SEPTIN9: variants seen among roughly 807,000 people sequenced by gnomAD.
SEPTIN9 encodes septin 9, also known as septin-9.
Under a neutral mutation model 56.6 loss-of-function variants are expected in SEPTIN9, and 13 were observed. The ratio of observed to expected loss-of-function variants is 0.23; its 90% CI spans 0.15 to 0.37. The LOEUF is 0.37. Among genes scored for constraint, SEPTIN9 ranks in the 10% least tolerant of loss-of-function variants. The pLI is 1.00. For missense variants in SEPTIN9, 650 were observed against 823.1 expected (o/e 0.79, Z 2.57); for synonymous variants, 332 against 334.1 (o/e 0.99, Z 0.07).
intron 2 of SEPTIN9, among the ~76,000 whole-genome samples, chr17:77,392,873 T>C (rs1181984526): frequency 2.0e-5 from 3 of 152,192 alleles, no homozygotes; most frequent in Non-Finnish European, 4.4e-5. Context: ...GTTTCCTGGC[T>C]TCCCTTTGCA....
intron 2 of SEPTIN9, chr17:77,320,008 T>G (rs374135364): frequency 2.5e-5 from 33 of 1,305,010 alleles, no homozygotes; most frequent in South Asian, 1.8e-4. Context: ...GCCGGACTCC[T>G]CGGGGCCCAC....
At position 77,327,876 on chromosome 17, in the gene SEPTIN9, C is replaced by T. The variant is rs546761372; in HGVS notation, c.76+20679C>T. Among the ~76,000 whole-genome samples, 24 of 152,312 alleles carry T rather than the reference C, an allele frequency of 1.6e-4. No homozygotes were observed. The highest frequency in any genetic ancestry group is 5.3e-4 in the African/African-American group (22 of 41,570). On this transcript the variant is annotated intron_variant, in intron 2 of 11. Transcript: ENST00000427177. The surrounding 1 kb of genome is among the most constrained non-coding windows in gnomAD (Gnocchi z 5.0). ...CTTTGGACCGATTTGCTGGAACAGA[C>T]GGGTGTGATGGGGCTGCGGGGTTTC...
chr17:77,403,194 A>G (rs1384076918), intron 3 of SEPTIN9, among the ~76,000 whole-genome samples: 1 of 152,170 alleles, frequency 6.6e-6, no homozygotes, highest in Non-Finnish European at 1.5e-5. Flanking sequence ...GGCTTGGGGA[A>G]GGGAGGAGGG....
chr17:77,498,516 C>T lies in SEPTIN9; in HGVS notation c.1626-7C>T. ...CTCACTGACCCGCCCGCCCCCCACC[C>T]CCACAGGACGCACATGCAGAACATC... On this transcript the variant is annotated splice_polypyrimidine_tract_variant and splice_region_variant and intron_variant, in intron 11 of 11. Transcript: ENST00000427177. 1.6e-6 allele frequency: 1 copy of T among 638,042 alleles called. No individual in the cohort carries two copies. Among genetic ancestry groups the T allele is most frequent in the Non-Finnish European group, 2.6e-6 (1 of 381,646 alleles). The allele number at this position is 638,042 out of a possible 1,614,324, so 39.5% of individuals were successfully genotyped here.
At chr17:77,373,098 G>A in intron 2 of SEPTIN9, 3 of 744,138 alleles carry the variant, frequency 4.0e-6, no homozygotes, top group South Asian at 1.2e-4. Context: ...CGCGTCTCTC[G>A]CCGTCCCCTG....
chr17:77,421,509 C>T lies in SEPTIN9; in HGVS notation c.721+18806C>T, dbSNP rs185185201. Among the ~76,000 whole-genome samples the T allele has an allele frequency of 7.2e-5, 11 of 152,296 alleles. No individual in the cohort carries two copies. The highest frequency in any genetic ancestry group is 4.1e-4 in the South Asian group (2 of 4,828). On this transcript the variant is annotated intron_variant, in intron 3 of 11. Coordinates refer to ENST00000427177, the MANE Select transcript of SEPTIN9 (RefSeq NM_001113491.2). The surrounding 1 kb of genome is among the most constrained non-coding windows in gnomAD (Gnocchi z 4.6). The stretch of plus-strand genomic sequence containing the variant: ...CGAGATGAGGGCTCCAGGTTGGCTC[C>T]GGCAAGAGCAGGGAGGCTCACGTCT...
intron 2 of SEPTIN9, among the ~76,000 whole-genome samples, chr17:77,347,378 CAAA>C (rs374020168): frequency 5.7e-5 from 6 of 105,828 alleles, no homozygotes; most frequent in Non-Finnish European, 4.0e-5. Context: ...AACTCCGTCT[CAAA>C]AAAAAAAAAA....
chr17:77,358,771 G>C (rs1367959324), intron 2 of SEPTIN9, among the ~76,000 whole-genome samples: 1 of 152,096 alleles, frequency 6.6e-6, no homozygotes, highest in East Asian at 1.9e-4. Context: ...TTCTGCCAGG[G>C]GCTCAGCGTA....
chr17:77,478,014 G>C (rs866252165), intron 3 of SEPTIN9, among the ~76,000 whole-genome samples: 11 of 151,936 alleles, frequency 7.2e-5, no homozygotes, highest in East Asian at 5.8e-4. Flanking sequence ...ACGGTCTTTG[G>C]GGGGGGTCAC....
chr17:77,290,541 C>A (rs1313344820), intron 1 of SEPTIN9, among the ~76,000 whole-genome samples: 3 of 151,714 alleles, frequency 2.0e-5, no homozygotes, highest in Non-Finnish European at 4.4e-5. Flanking sequence ...AAAATAAATT[C>A]TTAGGGCCGG....
intron 3 of SEPTIN9, among the ~76,000 whole-genome samples, chr17:77,406,387 A>C (rs2036073808): frequency 6.7e-6 from 1 of 149,386 alleles, no homozygotes; most frequent in Non-Finnish European, 1.5e-5. Context: ...TGGTCCAAAT[A>C]CCTCGTGTTT....
intron 2 of SEPTIN9, among the ~76,000 whole-genome samples, chr17:77,363,665 G>A (rs1429836782): frequency 6.6e-6 from 1 of 152,132 alleles, no homozygotes; most frequent in Non-Finnish European, 1.5e-5. Context: ...TGGGATTACA[G>A]GCATGAGCCA....
chr17:77,335,460 T>C (rs652988), intron 2 of SEPTIN9, among the ~76,000 whole-genome samples: 169 of 126,888 alleles, frequency 1.3e-3, no homozygotes, highest in South Asian at 3.5e-3. Context: ...ATATGTGGTC[T>C]TGTATTAGTA....
intron 3 of SEPTIN9, among the ~76,000 whole-genome samples, chr17:77,457,920 AG>A (rs2038286286): frequency 6.6e-6 from 1 of 152,224 alleles, no homozygotes; most frequent in Non-Finnish European, 1.5e-5. Flanking sequence ...AGAATACATG[AG>A]GTTTAACCTA....
At chr17:77,305,657 G>A (rs1256048019) in intron 1 of SEPTIN9, among the ~76,000 whole-genome samples, 2 of 151,678 alleles carry the variant, frequency 1.3e-5, no homozygotes, top group Non-Finnish European at 2.9e-5. Context: ...AGTAGAGATG[G>A]GTACCCTGTC....
At chr17:77,398,594 C>T (rs1470405181) in intron 2 of SEPTIN9, among the ~76,000 whole-genome samples, 3 of 152,272 alleles carry the variant, frequency 2.0e-5, no homozygotes, top group South Asian at 4.1e-4. Context: ...ACATTCCAGC[C>T]GGGACATGGT....
At chr17:77,286,477 T>TTAG (rs2031285714) in intron 1 of SEPTIN9, 1 of 152,378 alleles carries the variant, frequency 6.6e-6, no homozygotes, top group South Asian at 2.1e-4. Flanking sequence ...TTAGGGGCAG[T>TTAG]GGTCTGGAAT....
chr17:77,379,217 A>G (rs1365157893), intron 2 of SEPTIN9, among the ~76,000 whole-genome samples: 1 of 151,614 alleles, frequency 6.6e-6, no homozygotes, highest in African/African-American at 2.4e-5. Flanking sequence ...GAGCACCCCC[A>G]TACCCCTACA....
intron 2 of SEPTIN9, among the ~76,000 whole-genome samples, chr17:77,315,677 G>C (rs900345942): frequency 1.3e-5 from 2 of 152,212 alleles, no homozygotes; most frequent in Admixed American, 1.3e-4. Flanking sequence ...TGTGGGTTCC[G>C]GCCTTTCCAG....
Sources: gnomAD v4.1 joint callset for allele counts (sites outside exome capture counted in the v4.1 genomes callset) on GRCh38, gnomAD v4.1.1 for gene constraint, Gnocchi (gnomAD v3.1) non-coding constraint, MANE v1.5 for transcripts, NCBI Gene and HGNC (gene_info 2026-07-23, HGNC 2026-07-21) for gene names.